The following IFT81 variants were observed in gnomAD, a reference collection of about 807,000 sequenced individuals.
The protein encoded by IFT81 is intraflagellar transport protein 81 homolog.
In IFT81, 72 loss-of-function variants were observed where a neutral mutation model predicts 102.6. The ratio of observed to expected loss-of-function variants is 0.70; its 90% CI spans 0.58 to 0.85. The LOEUF is 0.85. IFT81 is among the 40% of genes least tolerant of loss of function. The probability of loss-of-function intolerance (pLI) is 0.00; values close to 1 mark genes in which losing one functional copy is unlikely to be tolerated. For missense variants in IFT81, 723 were observed against 787.3 expected (o/e 0.92, Z 0.98); for synonymous variants, 237 against 242.7 (o/e 0.98, Z 0.22).
intron 11 of IFT81, among the ~76,000 whole-genome samples, chr12:110,180,159 A>G (rs528875784): frequency 3.0e-4 from 46 of 151,770 alleles, no homozygotes; most frequent in Admixed American, 1.5e-3. Context: ...GGCCCTGCAA[A>G]TAAGTAACAG....
chr12:110,195,601 C>T (rs1178973487), intron 14 of IFT81, among the ~76,000 whole-genome samples: 1 of 152,134 alleles, frequency 6.6e-6, no homozygotes, highest in Non-Finnish European at 1.5e-5. Flanking sequence ...CTTGTCACTG[C>T]ATATAACATT....
chr12:110,172,942 T>TC (rs1896821697), intron 11 of IFT81, among the ~76,000 whole-genome samples: 1 of 114,474 alleles, frequency 8.7e-6, no homozygotes, highest in Non-Finnish European at 1.9e-5. Flanking sequence ...GGGAGGGAGG[T>TC]GGGGGTCAGC....
chr12:110,186,890 A>G (rs959506304), intron 12 of IFT81, among the ~76,000 whole-genome samples: 1 of 151,924 alleles, frequency 6.6e-6, no homozygotes. Flanking sequence ...CTCCAACTAC[A>G]TGCATGTTGG....
intron 11 of IFT81, among the ~76,000 whole-genome samples, chr12:110,163,421 A>G (rs1896252529): frequency 6.6e-6 from 1 of 151,764 alleles, no homozygotes; most frequent in Non-Finnish European, 1.5e-5. Context: ...TTGTATTTTT[A>G]GTAGAGACAG....
At chr12:110,204,891 G>A (rs1285625997) in intron 15 of IFT81, 1 of 152,372 alleles carries the variant, frequency 6.6e-6, no homozygotes, top group Non-Finnish European at 1.5e-5. Flanking sequence ...GTTCACTTCT[G>A]TGTCCTCAGC....
chr12:110,172,942 T>TGGGGA (rs1896822184), intron 11 of IFT81, among the ~76,000 whole-genome samples: 1 of 114,436 alleles, frequency 8.7e-6, no homozygotes, highest in African/African-American at 3.3e-5. Context: ...GGGAGGGAGG[T>TGGGGA]GGGGGTCAGC....
At chr12:110,149,254 T>A (rs1225902337) in intron 10 of IFT81, among the ~76,000 whole-genome samples, 4 of 152,182 alleles carry the variant, frequency 2.6e-5, no homozygotes, top group Non-Finnish European at 4.4e-5. Context: ...ACAGGGAAAG[T>A]TCCCTTGTCC....
intron 11 of IFT81, among the ~76,000 whole-genome samples, chr12:110,170,724 A>AT (rs1249759100): frequency 1.3e-5 from 2 of 152,182 alleles, no homozygotes; most frequent in African/African-American, 4.8e-5. Context: ...TTTATGGTGT[A>AT]TGGGAGTATT....
intron 9 of IFT81, 108 bp from the exon 10 acceptor site, chr12:110,146,845 T>TAA: frequency 8.3e-7 from 1 of 1,202,872 alleles, no homozygotes; most frequent in Non-Finnish European, 1.1e-6. Context: ...ACCTTGTCTT[T>TAA]AAAAAAAAAG....
At chr12:110,133,501 G>A (rs1034098264) in intron 5 of IFT81, among the ~76,000 whole-genome samples, 2 of 151,062 alleles carry the variant, frequency 1.3e-5, no homozygotes, top group African/African-American at 2.4e-5. Flanking sequence ...GGTGGTGCAC[G>A]CCTGTAGTCC....
chr12:110,135,513 T>C, intron 7 of IFT81, 76 bp downstream of exon 7: 3 of 869,006 alleles, frequency 3.5e-6, no homozygotes, highest in Non-Finnish European at 5.4e-6. Context: ...AAGAAAAGAG[T>C]TTTAAAATTG....
chr12:110,162,087 C>A (rs1301652405), intron 10 of IFT81, among the ~76,000 whole-genome samples: 1 of 152,094 alleles, frequency 6.6e-6, no homozygotes, highest in Non-Finnish European at 1.5e-5. Flanking sequence ...TTTGAACCTG[C>A]ATTTTATTTA....
intron 3 of IFT81, 116 bp from the exon 4 acceptor site, chr12:110,128,833 TA>T: frequency 2.9e-6 from 2 of 700,800 alleles, no homozygotes; most frequent in Non-Finnish European, 4.7e-6. Context: ...TTATCTTTTT[TA>T]AAAAGTTACA....
Position 110,135,388 on chromosome 12 carries a change from AAG to A in IFT81, c.655_656del (p.Glu219ArgfsTer41), listed in dbSNP as rs748009402. 2.5e-6 allele frequency: 4 copies of A among 1,613,396 alleles called. No individual in the cohort carries two copies. Among genetic ancestry groups the A allele is most frequent in the South Asian group, 1.1e-5 (1 of 91,018 alleles). ...ATAGCAAGGCAACTTCGAGTTGAAA[AAG>A]AGAGAGAAGAATATCTTGCACAACA... is the stretch of plus-strand genomic sequence containing the variant. On this transcript the variant is annotated frameshift_variant, in exon 7 of 19. Transcript: ENST00000242591. LOFTEE classifies it high-confidence loss of function.
At chr12:110,164,849 C>T (rs1299581696) in intron 11 of IFT81, among the ~76,000 whole-genome samples, 1 of 152,152 alleles carries the variant, frequency 6.6e-6, no homozygotes, top group Non-Finnish European at 1.5e-5. Context: ...ATCAATTATG[C>T]AGCAGTTTCG....
At chr12:110,159,689 A>G (rs1241985101) in intron 10 of IFT81, among the ~76,000 whole-genome samples, 1 of 152,240 alleles carries the variant, frequency 6.6e-6, no homozygotes, top group African/African-American at 2.4e-5. Flanking sequence ...ATGGTGGAAG[A>G]TGCAACAATG....
intron 14 of IFT81, among the ~76,000 whole-genome samples, chr12:110,197,986 A>C (rs1336287811): frequency 5.9e-5 from 9 of 152,218 alleles, no homozygotes; most frequent in Admixed American, 3.3e-4. Context: ...TACTGGGATT[A>C]CAGGCATGAG....
chr12:110,145,186 C>G (rs1483641059), intron 9 of IFT81, among the ~76,000 whole-genome samples: 1 of 151,688 alleles, frequency 6.6e-6, no homozygotes, highest in Non-Finnish European at 1.5e-5. Flanking sequence ...GTGCATGCCA[C>G]CAGTTCTGGC....
chr12:110,164,066 T>C (rs1267321731), intron 11 of IFT81, among the ~76,000 whole-genome samples: 2 of 152,174 alleles, frequency 1.3e-5, no homozygotes, highest in Non-Finnish European at 2.9e-5. Context: ...TAAGAAAATA[T>C]CATTAAGTTA....
Sources: allele counts gnomAD v4.1 joint callset (sites outside exome capture counted in the v4.1 genomes callset), GRCh38; gene constraint gnomAD v4.1.1; transcripts MANE v1.5; gene names NCBI Gene and HGNC (gene_info 2026-07-23, HGNC 2026-07-21).